The following RNGTT variants were observed in gnomAD, a reference collection of about 807,000 sequenced individuals.
RNGTT encodes RNA guanylyltransferase and 5'-phosphatase.
Under a neutral mutation model 79.3 loss-of-function variants are expected in RNGTT, and 33 were observed. The ratio of observed to expected loss-of-function variants is 0.42; its 90% CI spans 0.32 to 0.56. The LOEUF is 0.56. Among genes scored for constraint, RNGTT ranks in the 20% least tolerant of loss-of-function variants. The pLI is 0.17. For synonymous variants in RNGTT, 222 were observed against 235.9 expected, an observed-to-expected ratio of 0.94 and a Z score of 0.54; for missense variants, 497 against 739.1, an observed-to-expected ratio of 0.67 and a Z score of 3.80.
At chr6:88,714,637 T>A (rs1776441643) in intron 13 of RNGTT, among the ~76,000 whole-genome samples, 1 of 98,120 alleles carries the variant, frequency 1.0e-5, no homozygotes, top group Admixed American at 8.6e-5. Flanking sequence ...AGAGACGGGG[T>A]TTCACCGTTT....
At chr6:88,640,031 T>G (rs1271087755) in intron 14 of RNGTT, among the ~76,000 whole-genome samples, 1 of 152,164 alleles carries the variant, frequency 6.6e-6, no homozygotes, top group African/African-American at 2.4e-5. Context: ...AAGAGTCCCC[T>G]TATTTTCCTT....
rs898491322 is a variant in RNGTT at position 88,900,347 on chromosome 6, G to A, written c.684+4368C>T. On this transcript the variant is annotated intron_variant, in intron 6 of 15. Coordinates refer to ENST00000369485, the MANE Select transcript of RNGTT (RefSeq NM_003800.5). ...AAAAAATCAAATGGAAATTCCAGGA[G>A]TGAAAGTAAAATAATTAAAATTAAG... 3.3e-5 allele frequency among the ~76,000 whole-genome samples: 5 copies of A among 152,192 alleles called. No homozygotes were observed. In the East Asian group the frequency reaches 5.8e-4, roughly 18 times the overall value.
chr6:88,930,734 A>T (rs1308554691), intron 2 of RNGTT, among the ~76,000 whole-genome samples: 3 of 152,154 alleles, frequency 2.0e-5, no homozygotes, highest in Non-Finnish European at 4.4e-5. Context: ...CCGGTAAGAA[A>T]GAGCTCACCA....
rs564286584 is a variant in RNGTT at position 88,618,720 on chromosome 6, T to C, written c.1507-4325A>G. On this transcript the variant is annotated intron_variant, in intron 14 of 15. Coordinates refer to ENST00000369485, the MANE Select transcript of RNGTT (RefSeq NM_003800.5). ...TCCATCTGATTGCATACCACACTTT[T>C]ATACTATTTGAATCTATAAATAATC... Among the ~76,000 whole-genome samples, 138 of 152,342 alleles carry C rather than the reference T, an allele frequency of 9.1e-4. 1 individual carries two copies. The highest frequency in any genetic ancestry group is 3.2e-3 in the African/African-American group (135 of 41,578).
chr6:88,785,652 A>G (rs538709508), intron 12 of RNGTT, among the ~76,000 whole-genome samples: 2 of 152,274 alleles, frequency 1.3e-5, no homozygotes, highest in South Asian at 4.1e-4. Context: ...ATGAAGACCT[A>G]TCAAAATATG....
At chr6:88,949,159 G>GAAAAAAAAAAAAAAAAAAAAAAAAATA in intron 1 of RNGTT, among the ~76,000 whole-genome samples, 3 of 50,512 alleles carry the variant, frequency 5.9e-5, no homozygotes, top group African/African-American at 1.6e-4. Context: ...AAAATAAAAT[G>GAAAAAAAAAAAAAAAAAAAAAAAAATA]AAAAAAAAAA....
chr6:88,888,044 G>C (rs553737129), intron 8 of RNGTT, among the ~76,000 whole-genome samples: 123 of 152,218 alleles, frequency 8.1e-4, no homozygotes, highest in Non-Finnish European at 1.2e-4. Flanking sequence ...TTGAGCCCAG[G>C]AGGTCAAGGT....
chr6:88,678,494 A>G (rs1228210316), intron 13 of RNGTT, 75 bp from the exon 14 acceptor site: 3 of 822,188 alleles, frequency 3.6e-6, no homozygotes, highest in Non-Finnish European at 5.0e-6. Flanking sequence ...CAAAATTTGA[A>G]TAATAGATAT....
chr6:88,769,934 G>C, intron 12 of RNGTT, 60 bp from the exon 13 acceptor site: 2 of 1,121,082 alleles, frequency 1.8e-6, no homozygotes, highest in Non-Finnish European at 2.6e-6. Flanking sequence ...AACATTCAAT[G>C]TATTAAACCT....
intron 13 of RNGTT, among the ~76,000 whole-genome samples, chr6:88,702,953 C>T (rs1775995404): frequency 6.6e-6 from 1 of 152,062 alleles, no homozygotes; most frequent in East Asian, 1.9e-4. Flanking sequence ...TGAAAAAATG[C>T]TCCACATCAC....
chr6:88,960,981 T>C lies in RNGTT; in HGVS notation c.64+2365A>G, dbSNP rs183771443. 4.6e-5 allele frequency among the ~76,000 whole-genome samples: 7 copies of C among 152,340 alleles called. No individual in the cohort carries two copies. In the East Asian group the frequency reaches 1.3e-3, roughly 29 times the overall value. Reference sequence around the variant, plus strand: ...CGATTGGATTGAAGGATGCAAAATATTGATCCTGGGTGTAGAGGGTGTTGC... The same window carrying C: ...CGATTGGATTGAAGGATGCAAAATACTGATCCTGGGTGTAGAGGGTGTTGC... On this transcript the variant is annotated intron_variant, in intron 1 of 15. Coordinates refer to ENST00000369485, the MANE Select transcript of RNGTT (RefSeq NM_003800.5).
At chr6:88,729,999 C>T (rs528994864) in intron 13 of RNGTT, among the ~76,000 whole-genome samples, 14 of 152,240 alleles carry the variant, frequency 9.2e-5, no homozygotes, top group African/African-American at 3.4e-4. Flanking sequence ...GGTGCAGAGG[C>T]TCATAAAAAT....
At chr6:88,871,254 C>T (rs551706785) in intron 8 of RNGTT, among the ~76,000 whole-genome samples, 11 of 152,074 alleles carry the variant, frequency 7.2e-5, no homozygotes, top group African/African-American at 2.7e-4. Flanking sequence ...GCTAAATTTA[C>T]AACCACACAG....
chr6:88,873,709 A>G (rs1295835627), intron 8 of RNGTT, among the ~76,000 whole-genome samples: 1 of 152,134 alleles, frequency 6.6e-6, no homozygotes, highest in African/African-American at 2.4e-5. Flanking sequence ...TCTACAATGA[A>G]TACAAATGAC....
chr6:88,618,682 T>A (rs563839350), intron 14 of RNGTT, among the ~76,000 whole-genome samples: 1 of 152,300 alleles, frequency 6.6e-6, no homozygotes, highest in Non-Finnish European at 1.5e-5. Flanking sequence ...TTGAAAAAAA[T>A]TTGTTGCCTG....
At chr6:88,731,864 C>A (rs891225987) in intron 13 of RNGTT, among the ~76,000 whole-genome samples, 1 of 151,916 alleles carries the variant, frequency 6.6e-6, no homozygotes, top group African/African-American at 2.4e-5. Flanking sequence ...ATAACATAAT[C>A]AATTAACATA....
intron 11 of RNGTT, among the ~76,000 whole-genome samples, chr6:88,842,841 G>A (rs1392787644): frequency 6.6e-6 from 1 of 152,068 alleles, no homozygotes; most frequent in African/African-American, 2.4e-5. Context: ...GGAGGCTAAG[G>A]CAGGCTGATC....
chr6:88,962,854 G>A (rs993654512), intron 1 of RNGTT, among the ~76,000 whole-genome samples: 1 of 151,982 alleles, frequency 6.6e-6, no homozygotes, highest in South Asian at 2.1e-4. Context: ...TCCCCAGCCC[G>A]AGCAAGAGAC....
chr6:88,650,759 T>C (rs1451855991), intron 14 of RNGTT, among the ~76,000 whole-genome samples: 2 of 152,178 alleles, frequency 1.3e-5, no homozygotes, highest in African/African-American at 4.8e-5. Context: ...TTAATAACTA[T>C]ATAATACTGT....
Sources: gnomAD v4.1 joint callset for allele counts (sites outside exome capture counted in the v4.1 genomes callset) on GRCh38, gnomAD v4.1.1 for gene constraint, MANE v1.5 for transcripts, NCBI Gene and HGNC (gene_info 2026-07-23, HGNC 2026-07-21) for gene names.